Variants in AFAP1L2 observed in about 807,000 individuals in gnomAD.
AFAP1L2 encodes actin filament-associated protein 1-like 2.
Under a neutral mutation model 99.3 loss-of-function variants are expected in AFAP1L2, and 46 were observed. The observed-to-expected ratio is 0.46, with a 90% CI of 0.37 to 0.59. The LOEUF (loss-of-function observed/expected upper bound fraction) is 0.59. AFAP1L2 is among the 20% of genes least tolerant of loss of function. The probability of loss-of-function intolerance (pLI) is 0.00; values close to 1 mark genes in which losing one functional copy is unlikely to be tolerated. For missense variants in AFAP1L2, 959 were observed against 1,034.9 expected, an observed-to-expected ratio of 0.93 and a Z score of 1.01; for synonymous variants, 397 against 419.1, an observed-to-expected ratio of 0.95 and a Z score of 0.64.
chr10:114,311,856 A>G (rs970443938), intron 7 of AFAP1L2, among the ~76,000 whole-genome samples: 1 of 152,270 alleles, frequency 6.6e-6, no homozygotes, highest in African/African-American at 2.4e-5. Flanking sequence ...GATATGCAGA[A>G]TTGGGACACA....
At position 114,302,258 on chromosome 10, in the gene AFAP1L2, G is replaced by A. The variant is rs2041328343; in HGVS notation, c.1430+81C>T. On this transcript the variant is annotated intron_variant, in intron 12 of 18. Transcript: ENST00000304129. ...GGGGTGGGACCCTGTGCTCCCTGCT[G>A]CCCCTGACTCTGGCTGACCCAGGGC... 5.1e-6 allele frequency: 8 copies of A among 1,581,020 alleles called. No homozygotes were observed. In the Admixed American group the frequency reaches 1.0e-4, roughly 20 times the overall value.
chr10:114,326,865 A>G (rs1008624960), intron 4 of AFAP1L2, among the ~76,000 whole-genome samples: 9 of 152,038 alleles, frequency 5.9e-5, no homozygotes, highest in Admixed American at 2.0e-4. Context: ...CTAATCTAAA[A>G]AATAAAATGT....
At chr10:114,292,423 T>A (rs542510228), downstream of AFAP1L2, among the ~76,000 whole-genome samples, 5 of 152,210 alleles carry the variant, frequency 3.3e-5, no homozygotes, top group South Asian at 1.0e-3. Flanking sequence ...TTTTGCTTTT[T>A]AAAGCATTGA....
intron 5 of AFAP1L2, among the ~76,000 whole-genome samples, chr10:114,322,187 C>T (rs1264090529): frequency 3.9e-5 from 6 of 152,160 alleles, no homozygotes; most frequent in African/African-American, 1.4e-4. Context: ...ACTGTGAGTC[C>T]ATTAAACCTC....
At chr10:114,308,399 G>T (rs760592551) in intron 9 of AFAP1L2, 34 bp downstream of exon 9, 12 of 1,589,392 alleles carry the variant, frequency 7.6e-6, no homozygotes, top group Non-Finnish European at 1.0e-5. Flanking sequence ...TCACAGCCTG[G>T]GACACCATTC....
At chr10:114,362,439 A>C (rs1029083014) in intron 1 of AFAP1L2, among the ~76,000 whole-genome samples, 5 of 152,196 alleles carry the variant, frequency 3.3e-5, no homozygotes, top group African/African-American at 1.2e-4. Context: ...AGGGAGATCC[A>C]AGACACAGAG....
Position 114,323,274 on chromosome 10 carries a change from C to A in AFAP1L2, c.316-13G>T. The A allele has an allele frequency of 6.3e-7, 1 of 1,577,336 alleles. No individual in the cohort carries two copies. The highest frequency in any genetic ancestry group is 8.6e-7 in the Non-Finnish European group (1 of 1,159,282). ...TCCGTTCTGGAATCTGTGGTATGAA[C>A]AAATAAGACAAACGTTTGCAGATAT... On this transcript the variant is annotated splice_polypyrimidine_tract_variant and intron_variant, in intron 4 of 18. Transcript: ENST00000304129.
intron 11 of AFAP1L2, 28 bp downstream of exon 11, chr10:114,304,691 C>A: frequency 1.3e-6 from 2 of 1,570,224 alleles, no homozygotes; most frequent in South Asian, 2.3e-5. Flanking sequence ...CCCTGGCTGG[C>A]CCTGCTCCCC....
intron 3 of AFAP1L2, among the ~76,000 whole-genome samples, chr10:114,332,321 G>GTCCCA (rs1462867410): frequency 3.9e-5 from 6 of 152,208 alleles, no homozygotes; most frequent in Non-Finnish European, 8.8e-5. Context: ...GCTCTGCCAT[G>GTCCCA]TCCCAGGCTT....
chr10:114,359,344 A>G (rs2051874691), intron 1 of AFAP1L2, among the ~76,000 whole-genome samples: 1 of 152,252 alleles, frequency 6.6e-6, no homozygotes, highest in South Asian at 2.1e-4. Context: ...TGATAAAGTT[A>G]GCTAATAAGA....
intron 13 of AFAP1L2, 64 bp downstream of exon 13, chr10:114,301,290 G>T: frequency 7.5e-7 from 1 of 1,329,338 alleles, no homozygotes; most frequent in Non-Finnish European, 1.1e-6. Context: ...CTGGCATCCA[G>T]GTGTTGAGGT....
At chr10:114,285,903 A>T in the AFAP1L2 span, 1 of 1,545,842 alleles carries the variant, frequency 6.5e-7, no homozygotes, top group Non-Finnish European at 8.8e-7. Flanking sequence ...CCGCATGACC[A>T]TGGCTTGACA....
Position 114,302,323 on chromosome 10 carries a change from G to A in AFAP1L2, c.1430+16C>T, listed in dbSNP as rs371365824. 5.6e-6 allele frequency: 9 copies of A among 1,614,042 alleles called. No individual in the cohort carries two copies. The highest frequency in any genetic ancestry group is 1.6e-4 in the Middle Eastern group (1 of 6,062). ...GGAATAAGAGAGTGTACGGAGGAAG[G>A]GTCCAAATTACTCACAAGAGAGAGT... On this transcript the variant is annotated intron_variant, in intron 12 of 18. Transcript: ENST00000304129.
At chr10:114,382,149 C>T (rs962645730) in intron 1 of AFAP1L2, among the ~76,000 whole-genome samples, 13 of 152,180 alleles carry the variant, frequency 8.5e-5, no homozygotes, top group African/African-American at 2.4e-4. Context: ...TTCAATCCAG[C>T]AATTCTATTC....
intron 12 of AFAP1L2, chr10:114,301,967 A>G (rs765351657): frequency 1.5e-5 from 4 of 267,790 alleles, no homozygotes; most frequent in Non-Finnish European, 2.9e-5. Flanking sequence ...ATCTGGAAAC[A>G]GAAGCACCAC....
intron 1 of AFAP1L2, among the ~76,000 whole-genome samples, chr10:114,387,349 G>A (rs1277728515): frequency 6.6e-6 from 1 of 152,176 alleles, no homozygotes; most frequent in Non-Finnish European, 1.5e-5. Flanking sequence ...AGACTAGTAC[G>A]TTTTCCACAC....
intron 4 of AFAP1L2, among the ~76,000 whole-genome samples, chr10:114,324,396 A>AACCCCCC (rs2045889580): frequency 1.6e-5 from 2 of 126,444 alleles, no homozygotes; most frequent in African/African-American, 3.7e-5. Context: ...GGGGTGCACC[A>AACCCCCC]CCCCCCCCCC....
At chr10:114,332,371 G>A (rs552922871) in intron 3 of AFAP1L2, among the ~76,000 whole-genome samples, 5 of 152,346 alleles carry the variant, frequency 3.3e-5, no homozygotes, top group African/African-American at 1.2e-4. Context: ...CTGGGGAAGT[G>A]AGGCCACCAA....
chr10:114,318,932 T>G (rs1464694308), intron 5 of AFAP1L2, among the ~76,000 whole-genome samples: 1 of 151,872 alleles, frequency 6.6e-6, no homozygotes, highest in African/African-American at 2.4e-5. Context: ...GGAGGGCAGA[T>G]CACTTGAGGC....
Sources: allele counts gnomAD v4.1 joint callset (sites outside exome capture counted in the v4.1 genomes callset), GRCh38; gene constraint gnomAD v4.1.1; transcripts MANE v1.5; gene names NCBI Gene and HGNC (gene_info 2026-07-23, HGNC 2026-07-21).